The following HMGCLL1 variants were observed in gnomAD, a reference collection of about 807,000 sequenced individuals.
HMGCLL1 encodes the protein 3-hydroxymethyl-3-methylglutaryl-CoA lyase, cytoplasmic.
Under a neutral mutation model 39.1 loss-of-function variants are expected in HMGCLL1, and 36 were observed. That is an observed-to-expected ratio of 0.92 (90% CI 0.71 to 1.22). The LOEUF (loss-of-function observed/expected upper bound fraction) is 1.22. Among genes scored for constraint, HMGCLL1 ranks in the 50% most tolerant of loss-of-function variants. The pLI, the probability that HMGCLL1 is intolerant of heterozygous loss-of-function variation, is 0.00. For synonymous variants in HMGCLL1, 149 were observed against 144.0 expected, an observed-to-expected ratio of 1.03 and a Z score of -0.25; for missense variants, 451 against 416.5, an observed-to-expected ratio of 1.08 and a Z score of -0.72.
the HMGCLL1 span, among the ~76,000 whole-genome samples, chr6:55,628,514 G>T: frequency 6.6e-6 from 1 of 151,688 alleles, no homozygotes; most frequent in Non-Finnish European, 1.5e-5. Flanking sequence ...ATGTTAGCCA[G>T]GCTGGTCTTG....
At chr6:55,621,204 G>A in the HMGCLL1 span, among the ~76,000 whole-genome samples, 2 of 152,116 alleles carry the variant, frequency 1.3e-5, no homozygotes, top group African/African-American at 4.8e-5. Flanking sequence ...ATCTGTAGAT[G>A]GCCTTGGGTA....
chr6:55,566,896 A>G (rs72988005), intron 1 of HMGCLL1, among the ~76,000 whole-genome samples: 32,596 of 152,102 alleles, frequency 0.21, 3,954 homozygotes, highest in East Asian at 0.32. Flanking sequence ...ATGTAATTAA[A>G]TACATATTTT....
At chr6:55,495,271 C>T in intron 7 of HMGCLL1, 148 bp downstream of exon 7, 1 of 572,460 alleles carries the variant, frequency 1.7e-6, no homozygotes, top group Admixed American at 3.9e-5. Context: ...CAAATATTTC[C>T]CAAGTGCCTG....
At chr6:55,612,722 T>TGGGGAAA in the HMGCLL1 span, among the ~76,000 whole-genome samples, 2 of 152,126 alleles carry the variant, frequency 1.3e-5, no homozygotes, top group Admixed American at 1.3e-4. Context: ...ATTTAATACA[T>TGGGGAAA]GGTACTGGGA....
chr6:55,584,783 A>G, the HMGCLL1 span, among the ~76,000 whole-genome samples: 1 of 152,214 alleles, frequency 6.6e-6, no homozygotes, highest in African/African-American at 2.4e-5. Context: ...ACAAATGCCA[A>G]ACTGACATGT....
the HMGCLL1 span, among the ~76,000 whole-genome samples, chr6:55,633,229 A>G: frequency 6.6e-6 from 1 of 151,970 alleles, no homozygotes; most frequent in African/African-American, 2.4e-5. Context: ...TGTGTTCTTG[A>G]AGAAGGTCAA....
At chr6:55,482,107 T>C (rs1287723981) in intron 7 of HMGCLL1, among the ~76,000 whole-genome samples, 2 of 152,124 alleles carry the variant, frequency 1.3e-5, no homozygotes, top group African/African-American at 2.4e-5. Context: ...CAGAAACACA[T>C]TTCTAATACT....
chr6:55,534,034 G>A lies in HMGCLL1; in HGVS notation c.297+7695C>T, dbSNP rs1230773544. 4.6e-5 allele frequency among the ~76,000 whole-genome samples: 7 copies of A among 152,046 alleles called. No individual in the cohort carries two copies. In the South Asian group the frequency reaches 1.2e-3, roughly 27 times the overall value. On this transcript the variant is annotated intron_variant, in intron 3 of 8. Transcript: ENST00000274901. ...CAGTAAAGACAGTGATTTGTGTGGC[G>A]GTGTGTGTTCACTGTTTTCAACACC...
At chr6:55,456,021 T>G (rs567296041) in intron 7 of HMGCLL1, among the ~76,000 whole-genome samples, 1 of 152,338 alleles carries the variant, frequency 6.6e-6, no homozygotes, top group African/African-American at 2.4e-5. Context: ...TTCATTCCCT[T>G]GGCATCTGAA....
At chr6:55,602,524 T>G in the HMGCLL1 span, among the ~76,000 whole-genome samples, 1 of 152,052 alleles carries the variant, frequency 6.6e-6, no homozygotes, top group Non-Finnish European at 1.5e-5. Flanking sequence ...CAACTTCTGG[T>G]GAACTTAATA....
At chr6:55,542,966 A>T (rs1339768628) in intron 1 of HMGCLL1, among the ~76,000 whole-genome samples, 1 of 114,204 alleles carries the variant, frequency 8.8e-6, no homozygotes, top group Non-Finnish European at 1.6e-5. Context: ...ATAATATATA[A>T]TATATATTAT....
chr6:55,526,899 CA>C lies in HMGCLL1; in HGVS notation c.298-10297del, dbSNP rs201751998. Among the ~76,000 whole-genome samples, 950 of 152,136 alleles carry C rather than the reference CA, an allele frequency of 6.2e-3. 11 individuals carry two copies. Among genetic ancestry groups the C allele is most frequent in the African/African-American group, 0.022 (913 of 41,532 alleles). On this transcript the variant is annotated intron_variant, in intron 3 of 8. Transcript: ENST00000274901. ...TAGAGTTCACTGGTTTGGCCTCCCT[CA>C]AGCCAACCTTGCTGATTCCCAACCT...
chr6:55,629,538 T>A, the HMGCLL1 span, among the ~76,000 whole-genome samples: 2,142 of 152,282 alleles, frequency 0.014, 51 homozygotes, highest in African/African-American at 0.049. Flanking sequence ...TTTGCCTAAG[T>A]AACAAAGAGC....
chr6:55,625,230 C>A, the HMGCLL1 span, among the ~76,000 whole-genome samples: 2 of 152,124 alleles, frequency 1.3e-5, no homozygotes, highest in African/African-American at 4.8e-5. Context: ...AGTCACCATG[C>A]CACCTGAATT....
At chr6:55,662,236 A>G in the HMGCLL1 span, among the ~76,000 whole-genome samples, 1 of 151,632 alleles carries the variant, frequency 6.6e-6, no homozygotes, top group African/African-American at 2.4e-5. Context: ...AAATAGGTGT[A>G]CTAAGAGAGG....
the HMGCLL1 span, among the ~76,000 whole-genome samples, chr6:55,631,842 T>C: frequency 6.6e-6 from 1 of 152,090 alleles, no homozygotes; most frequent in East Asian, 1.9e-4. Context: ...CTCTTCCCCC[T>C]TGGATGTCAG....
intron 7 of HMGCLL1, among the ~76,000 whole-genome samples, chr6:55,476,326 G>T (rs1278637756): frequency 6.6e-6 from 1 of 151,364 alleles, no homozygotes; most frequent in Admixed American, 6.6e-5. Flanking sequence ...TAATAATATT[G>T]CAATTGGAAG....
intron 7 of HMGCLL1, among the ~76,000 whole-genome samples, chr6:55,474,201 C>T (rs1765179554): frequency 6.6e-6 from 1 of 151,478 alleles, no homozygotes; most frequent in Non-Finnish European, 1.5e-5. Flanking sequence ...ATTTATGCTA[C>T]TGTGTTCTCT....
chr6:55,623,180 T>C, the HMGCLL1 span, among the ~76,000 whole-genome samples: 12 of 152,138 alleles, frequency 7.9e-5, no homozygotes, highest in African/African-American at 2.9e-4. Context: ...TCAGTTTTCT[T>C]TATCTTTTCC....
Sources: gnomAD v4.1 joint callset for allele counts (sites outside exome capture counted in the v4.1 genomes callset) on GRCh38, gnomAD v4.1.1 for gene constraint, MANE v1.5 for transcripts, NCBI Gene and HGNC (gene_info 2026-07-23, HGNC 2026-07-21) for gene names.